Variants in FAM53A observed in about 807,000 individuals in gnomAD.
FAM53A encodes the protein protein FAM53A.
Under a neutral mutation model 26.6 loss-of-function variants are expected in FAM53A, and 28 were observed. The ratio of observed to expected loss-of-function variants is 1.05; its 90% CI spans 0.78 to 1.45. The LOEUF is 1.45. FAM53A is among the 40% of genes most tolerant of loss of function. The pLI, the probability that FAM53A is intolerant of heterozygous loss-of-function variation, is 0.00. For synonymous variants in FAM53A, 290 were observed against 253.1 expected, an observed-to-expected ratio of 1.15 and a Z score of -1.38; for missense variants, 650 against 575.8, an observed-to-expected ratio of 1.13 and a Z score of -1.32.
chr4:1,604,766 C>T, the FAM53A span, among the ~76,000 whole-genome samples: 2 of 152,114 alleles, frequency 1.3e-5, no homozygotes, highest in African/African-American at 2.4e-5. Flanking sequence ...TCCGCTGCAG[C>T]CCCCGCCCCA....
chr4:1,583,064 A>G, the FAM53A span, among the ~76,000 whole-genome samples: 2 of 152,230 alleles, frequency 1.3e-5, no homozygotes, highest in Non-Finnish European at 2.9e-5. Flanking sequence ...AGGAGCCTAA[A>G]CAAAGTGATA....
At chr4:1,650,158 T>C (rs1326136624) in intron 4 of FAM53A, among the ~76,000 whole-genome samples, 4 of 132,850 alleles carry the variant, frequency 3.0e-5, no homozygotes, top group Admixed American at 1.5e-4. Flanking sequence ...ACAGGCGTGG[T>C]GTTTGTGAGG....
chr4:1,636,812 G>T (rs967901346), downstream of FAM53A, among the ~76,000 whole-genome samples: 6 of 152,214 alleles, frequency 3.9e-5, no homozygotes, highest in African/African-American at 1.4e-4. Flanking sequence ...TGGGGCCCAG[G>T]GTCCTCAAGG....
chr4:1,642,139 G>A (rs1043481686), intron 4 of FAM53A, among the ~76,000 whole-genome samples: 2 of 152,104 alleles, frequency 1.3e-5, no homozygotes, highest in African/African-American at 4.8e-5. Context: ...ACCCCACCTC[G>A]TCGGTGTCCT....
downstream of FAM53A, among the ~76,000 whole-genome samples, chr4:1,637,396 C>T (rs116201397): frequency 7.2e-3 from 1,093 of 152,210 alleles, 11 homozygotes; most frequent in African/African-American, 0.024. Context: ...CTGGAGGGAA[C>T]GGTTGGGGGT....
the FAM53A span, among the ~76,000 whole-genome samples, chr4:1,610,381 C>T: frequency 1.3e-5 from 2 of 152,190 alleles, no homozygotes; most frequent in Non-Finnish European, 2.9e-5. Flanking sequence ...AAGGGGCAGA[C>T]GGGCAAGGGG....
the FAM53A span, among the ~76,000 whole-genome samples, chr4:1,578,768 CGG>C: frequency 8.2e-6 from 1 of 121,392 alleles, no homozygotes; most frequent in Non-Finnish European, 1.8e-5. Flanking sequence ...AGGGAAGGGG[CGG>C]AGGAGGGGAG....
chr4:1,612,190 C>A, the FAM53A span, among the ~76,000 whole-genome samples: 35 of 152,302 alleles, frequency 2.3e-4, 1 homozygote, highest in South Asian at 4.2e-3. Flanking sequence ...AATGGGCCAG[C>A]CACTAAATAA....
At chr4:1,575,523 G>C in the FAM53A span, among the ~76,000 whole-genome samples, 1 of 152,152 alleles carries the variant, frequency 6.6e-6, no homozygotes, top group Non-Finnish European at 1.5e-5. Context: ...GGCCTGGGAG[G>C]GGGGCTGTCA....
At chr4:1,579,375 C>T in the FAM53A span, among the ~76,000 whole-genome samples, 1 of 151,856 alleles carries the variant, frequency 6.6e-6, no homozygotes, top group Admixed American at 6.5e-5. Context: ...CCCCCACGGT[C>T]TACTACCCCA....
chr4:1,602,458 G>C, the FAM53A span, among the ~76,000 whole-genome samples: 4 of 152,266 alleles, frequency 2.6e-5, 1 homozygote, highest in Admixed American at 6.5e-5. Flanking sequence ...TATGTGAAGA[G>C]TGATGAAACT....
At chr4:1,605,766 T>TG in the FAM53A span, among the ~76,000 whole-genome samples, 59 of 151,854 alleles carry the variant, frequency 3.9e-4, no homozygotes, top group Admixed American at 2.2e-3. The surrounding 1 kb of genome is among the most constrained non-coding windows in gnomAD (Gnocchi z 5.7). Context: ...TCTGAAACCC[T>TG]GGGGCGGGCA....
downstream of FAM53A, among the ~76,000 whole-genome samples, chr4:1,616,468 T>G (rs115949314): frequency 2.0e-5 from 3 of 152,002 alleles, no homozygotes; most frequent in African/African-American, 7.3e-5. Flanking sequence ...GGTGTCACAG[T>G]GAGACTCCAT....
At chr4:1,667,176 G>C (rs1714300045) in intron 2 of FAM53A, among the ~76,000 whole-genome samples, 1 of 152,064 alleles carries the variant, frequency 6.6e-6, no homozygotes, top group South Asian at 2.1e-4. Flanking sequence ...GCGTGTGCCT[G>C]TAACGTTAGC....
At chr4:1,600,129 G>A in the FAM53A span, among the ~76,000 whole-genome samples, 1 of 152,142 alleles carries the variant, frequency 6.6e-6, no homozygotes. Flanking sequence ...CAGCTGAGCC[G>A]AGGTGGGGGC....
At chr4:1,623,757 C>G (rs529506423) in intron 1 of FAM53A, among the ~76,000 whole-genome samples, 1 of 152,248 alleles carries the variant, frequency 6.6e-6, no homozygotes, top group East Asian at 1.9e-4. Context: ...CATACATTCC[C>G]GGGGCGTCGG....
intron 1 of FAM53A, among the ~76,000 whole-genome samples, chr4:1,620,592 C>A (rs1248047126): frequency 2.6e-5 from 4 of 151,210 alleles, no homozygotes; most frequent in African/African-American, 9.7e-5. Context: ...AGGCTGAACC[C>A]AGGAAGTGGA....
At chr4:1,608,463 G>A in the FAM53A span, among the ~76,000 whole-genome samples, 1 of 152,222 alleles carries the variant, frequency 6.6e-6, no homozygotes, top group East Asian at 1.9e-4. Flanking sequence ...GCCACGGGTG[G>A]AGGCTGCAGT....
At chr4:1,601,353 C>T in the FAM53A span, among the ~76,000 whole-genome samples, 102 of 113,218 alleles carry the variant, frequency 9.0e-4, 39 homozygotes, top group Non-Finnish European at 4.1e-4. Context: ...GCTGCTCTTC[C>T]GGACACACCA....
Sources: allele counts gnomAD v4.1 joint callset (sites outside exome capture counted in the v4.1 genomes callset), GRCh38; gene constraint gnomAD v4.1.1; non-coding constraint Gnocchi (gnomAD v3.1); transcripts MANE v1.5; gene names NCBI Gene and HGNC (gene_info 2026-07-23, HGNC 2026-07-21).